Variants in BAZ1B observed in about 807,000 individuals in gnomAD.
BAZ1B encodes tyrosine-protein kinase BAZ1B.
In BAZ1B, 22 loss-of-function variants were observed where a neutral mutation model predicts 153.8. That is an observed-to-expected ratio of 0.14 (90% CI 0.10 to 0.20). The LOEUF (loss-of-function observed/expected upper bound fraction) is 0.20. Among genes scored for constraint, BAZ1B ranks in the 10% least tolerant of loss-of-function variants. BAZ1B has a pLI of 1.00. For missense variants in BAZ1B, 1,325 were observed against 1,799.3 expected, an observed-to-expected ratio of 0.74 and a Z score of 4.77; for synonymous variants, 676 against 633.4, an observed-to-expected ratio of 1.07 and a Z score of -1.01.
At chr7:73,488,226 A>C (rs1467388354) in intron 6 of BAZ1B, among the ~76,000 whole-genome samples, 2 of 152,194 alleles carry the variant, frequency 1.3e-5, no homozygotes, top group East Asian at 3.8e-4. Context: ...AAGTACTTTC[A>C]AAACCTACAT....
intron 3 of BAZ1B, 96 bp downstream of exon 3, chr7:73,508,231 T>C (rs1402001499): frequency 7.8e-7 from 1 of 1,283,386 alleles, no homozygotes; most frequent in African/African-American, 1.5e-5. Context: ...ATACTAAATA[T>C]AACACAGTTT....
Position 73,459,730 on chromosome 7 carries a change from G to A in BAZ1B, c.3250-12C>T, listed in dbSNP as rs1754515216. On this transcript the variant is annotated splice_polypyrimidine_tract_variant and intron_variant, in intron 12 of 19. Coordinates refer to ENST00000339594, the MANE Select transcript of BAZ1B (RefSeq NM_032408.4). Reference sequence around the variant, plus strand: ...TCTAATGAAATGACCTATAGGAAAGGATTTTAAAACCAGACTGAGAAAAGG... The same window carrying A: ...TCTAATGAAATGACCTATAGGAAAGAATTTTAAAACCAGACTGAGAAAAGG... 1 of 1,571,154 alleles carries A rather than the reference G, an allele frequency of 6.4e-7. No homozygotes were observed. Among genetic ancestry groups the A allele is most frequent in the Non-Finnish European group, 8.6e-7 (1 of 1,161,528 alleles).
chr7:73,451,605 T>C (rs1788028931), intron 13 of BAZ1B, among the ~76,000 whole-genome samples: 1 of 151,942 alleles, frequency 6.6e-6, no homozygotes, highest in African/African-American at 2.4e-5. Flanking sequence ...CAGGGAGCCT[T>C]GTGTGTATAA....
intron 11 of BAZ1B, among the ~76,000 whole-genome samples, chr7:73,464,868 T>A (rs1253525743): frequency 6.6e-6 from 1 of 151,832 alleles, no homozygotes; most frequent in Non-Finnish European, 1.5e-5. Flanking sequence ...TAAGACTACA[T>A]ACACAAACCA....
chr7:73,471,269 C>G (rs782771015), intron 7 of BAZ1B, among the ~76,000 whole-genome samples: 1 of 152,192 alleles, frequency 6.6e-6, no homozygotes, highest in African/African-American at 2.4e-5. Context: ...TGAAAAGCAA[C>G]AGCAGGGACG....
intron 7 of BAZ1B, among the ~76,000 whole-genome samples, chr7:73,475,583 G>A (rs543434933): frequency 1.3e-5 from 2 of 152,324 alleles, no homozygotes; most frequent in East Asian, 3.9e-4. Context: ...GGAGAAGAGT[G>A]AGTGACTTTT....
intron 4 of BAZ1B, among the ~76,000 whole-genome samples, chr7:73,496,520 A>G (rs891838288): frequency 3.3e-5 from 5 of 152,194 alleles, no homozygotes; most frequent in Non-Finnish European, 7.4e-5. Flanking sequence ...TCTAATACTC[A>G]TGCGGAGGGA....
rs1563380598 is a variant in BAZ1B at position 73,477,402 on chromosome 7, A to G, written c.2059T>C (p.Ser687Pro). The G allele has an allele frequency of 6.2e-7, 1 of 1,614,254 alleles. No individual in the cohort carries two copies. The highest frequency in any genetic ancestry group is 8.5e-7 in the Non-Finnish European group (1 of 1,180,044). Residue 687 changes from serine to proline, a missense_variant, in exon 7 of 20, where the codon TCT becomes CCT. Physicochemically the swap from Ser to Pro is moderately conservative, Grantham distance 74 (BLOSUM62 -1). Transcript: ENST00000339594. The surrounding 1 kb of genome is among the most constrained non-coding windows in gnomAD (Gnocchi z 5.6). ...CAGAGCCGCACCAGCTCTGAAACAGAATGCAGAGTCAAGGGGATTTCCGAC... is the reference window on the plus strand; with the variant it reads ...CAGAGCCGCACCAGCTCTGAAACAGGATGCAGAGTCAAGGGGATTTCCGAC... ...KLSEIPLTLH[S>P]VSELVRLCLR...
At chr7:73,457,688 T>G (rs576021462) in intron 13 of BAZ1B, among the ~76,000 whole-genome samples, 1 of 152,286 alleles carries the variant, frequency 6.6e-6, no homozygotes, top group African/African-American at 2.4e-5. Context: ...TTTATGCTAA[T>G]GAGGCTTTCG....
At chr7:73,491,060 G>A (rs1789620892) in intron 5 of BAZ1B, among the ~76,000 whole-genome samples, 1 of 151,836 alleles carries the variant, frequency 6.6e-6, no homozygotes, top group South Asian at 2.1e-4. Flanking sequence ...AGCCGAGGCA[G>A]GCGGATCACA....
At chr7:73,484,053 G>C (rs1789301363) in intron 6 of BAZ1B, among the ~76,000 whole-genome samples, 1 of 152,136 alleles carries the variant, frequency 6.6e-6, no homozygotes, top group Non-Finnish European at 1.5e-5. Context: ...GGATCACAAG[G>C]TCCAGGGATT....
At chr7:73,467,806 T>G (rs138294119) in intron 9 of BAZ1B, among the ~76,000 whole-genome samples, 62 of 152,272 alleles carry the variant, frequency 4.1e-4, no homozygotes, top group African/African-American at 1.4e-3. Context: ...GTAACACTCC[T>G]TCATCCCACT....
intron 9 of BAZ1B, among the ~76,000 whole-genome samples, chr7:73,467,348 C>G (rs1316894135): frequency 3.3e-5 from 5 of 152,062 alleles, no homozygotes; most frequent in African/African-American, 1.2e-4. Context: ...TTTGTTTAGT[C>G]TTTTCAATTG....
chr7:73,517,859 C>T (rs1171456781), intron 1 of BAZ1B, among the ~76,000 whole-genome samples: 2 of 152,160 alleles, frequency 1.3e-5, no homozygotes, highest in African/African-American at 4.8e-5. Flanking sequence ...TTCAGTCTTG[C>T]AGGGATTGTT....
chr7:73,506,766 A>C (rs1263448917), intron 3 of BAZ1B, among the ~76,000 whole-genome samples: 2 of 137,820 alleles, frequency 1.5e-5, no homozygotes, highest in Non-Finnish European at 1.6e-5. Context: ...CAGGAGAATC[A>C]CTTGAACCAG....
intron 15 of BAZ1B, 42 bp downstream of exon 15, chr7:73,449,500 A>AT: frequency 2.5e-6 from 4 of 1,576,300 alleles, no homozygotes; most frequent in Non-Finnish European, 3.4e-6. Context: ...ACAGCTATTC[A>AT]TATTTATTCA....
chr7:73,521,185 G>A (rs932705063), intron 1 of BAZ1B, among the ~76,000 whole-genome samples: 3 of 152,058 alleles, frequency 2.0e-5, no homozygotes. Context: ...GGGAAGGCAG[G>A]CATCAGCTCC....
chr7:73,461,733 A>G (rs116414125), intron 12 of BAZ1B, among the ~76,000 whole-genome samples: 2,095 of 152,306 alleles, frequency 0.014, 38 homozygotes, highest in African/African-American at 0.047. Context: ...GTACTTATAA[A>G]TTAGGAAAAA....
chr7:73,454,132 C>CAA (rs1554569066), intron 13 of BAZ1B, among the ~76,000 whole-genome samples: 1 of 132,088 alleles, frequency 7.6e-6, no homozygotes, highest in African/African-American at 2.9e-5. Flanking sequence ...AACCCCTTCT[C>CAA]TATAAATAAA....
Sources: gnomAD v4.1 joint callset for allele counts (sites outside exome capture counted in the v4.1 genomes callset) on GRCh38, gnomAD v4.1.1 for gene constraint, Gnocchi (gnomAD v3.1) non-coding constraint, MANE v1.5 for transcripts, NCBI Gene and HGNC (gene_info 2026-07-23, HGNC 2026-07-21) for gene names.